The following PCDH9 variants were observed in gnomAD, a reference collection of about 807,000 sequenced individuals.
PCDH9 encodes protocadherin-9.
PCDH9 carries 24 observed loss-of-function variants against 70.6 expected under a neutral mutation model. The ratio of observed to expected loss-of-function variants is 0.34; its 90% CI spans 0.25 to 0.48. The LOEUF (loss-of-function observed/expected upper bound fraction) is 0.48. Among genes scored for constraint, PCDH9 ranks in the 20% least tolerant of loss-of-function variants. The pLI is 0.99. For missense variants in PCDH9, 1,281 were observed against 1,503.6 expected (o/e 0.85, Z 2.45); for synonymous variants, 562 against 558.5 (o/e 1.01, Z -0.09).
At chr13:66,917,577 G>C (rs1473351874) in intron 2 of PCDH9, among the ~76,000 whole-genome samples, 1 of 151,418 alleles carries the variant, frequency 6.6e-6, no homozygotes, top group African/African-American at 2.4e-5. Flanking sequence ...GTTATTCAGT[G>C]ACTCAGTGTA....
At chr13:66,310,754 ATAAG>A (rs1429558713) in intron 4 of PCDH9, among the ~76,000 whole-genome samples, 1 of 152,062 alleles carries the variant, frequency 6.6e-6, no homozygotes, top group Non-Finnish European at 1.5e-5. Flanking sequence ...TGTAAAATAA[ATAAG>A]TCATTTTCAT....
intron 2 of PCDH9, among the ~76,000 whole-genome samples, chr13:67,148,697 A>G (rs983135811): frequency 1.3e-5 from 2 of 152,172 alleles, no homozygotes; most frequent in African/African-American, 4.8e-5. Flanking sequence ...TGTTCTTTAC[A>G]CATGTCATAA....
chr13:67,007,146 G>C (rs2084369325), intron 2 of PCDH9, among the ~76,000 whole-genome samples: 1 of 151,908 alleles, frequency 6.6e-6, no homozygotes. Context: ...GTATGCAACA[G>C]TAGAAAGAGC....
intron 2 of PCDH9, among the ~76,000 whole-genome samples, chr13:67,151,727 G>T (rs187652275): frequency 5.6e-5 from 8 of 143,780 alleles, no homozygotes; most frequent in Admixed American, 1.7e-4. Flanking sequence ...CAAAACTGAG[G>T]CACATAATAA....
At chr13:66,833,488 A>T (rs1213523039) in intron 3 of PCDH9, among the ~76,000 whole-genome samples, 1 of 152,148 alleles carries the variant, frequency 6.6e-6, no homozygotes, top group Non-Finnish European at 1.5e-5. Context: ...TCTGGTACAT[A>T]ACATTCTATG....
chr13:66,306,624 G>C (rs889109420), intron 4 of PCDH9, among the ~76,000 whole-genome samples: 1 of 150,970 alleles, frequency 6.6e-6, no homozygotes, highest in African/African-American at 2.4e-5. Flanking sequence ...AAAGTTTAGC[G>C]ATTTTTTTTA....
At chr13:66,427,655 T>A (rs1055370610) in intron 4 of PCDH9, among the ~76,000 whole-genome samples, 3 of 151,748 alleles carry the variant, frequency 2.0e-5, no homozygotes, top group Non-Finnish European at 4.4e-5. Flanking sequence ...AATATAAAAC[T>A]TTTAGCCTCT....
rs1167658790 is a variant in PCDH9 at position 66,416,074 on chromosome 13, C to T, written c.3341-111046G>A. On this transcript the variant is annotated intron_variant, in intron 4 of 4. Coordinates refer to ENST00000377865, the MANE Select transcript of PCDH9 (RefSeq NM_203487.3). Reference sequence around the variant, plus strand: ...CCTCATTATTAAATCCTAAGTGTTGCTTCAGTGAAGTCCAAACTGTTTTTG... The same window carrying T: ...CCTCATTATTAAATCCTAAGTGTTGTTTCAGTGAAGTCCAAACTGTTTTTG... 2.0e-5 allele frequency among the ~76,000 whole-genome samples: 3 copies of T among 152,208 alleles called. No individual in the cohort carries two copies. The East Asian group carries it at 5.8e-4, about 29-fold the overall frequency.
intron 3 of PCDH9, among the ~76,000 whole-genome samples, chr13:66,767,247 A>G (rs2079732397): frequency 6.6e-6 from 1 of 151,048 alleles, no homozygotes; most frequent in South Asian, 2.1e-4. Context: ...AAAAAGAGCA[A>G]AGGGAAGGTT....
intron 2 of PCDH9, among the ~76,000 whole-genome samples, chr13:67,124,020 T>A (rs1467673698): frequency 6.6e-6 from 1 of 152,170 alleles, no homozygotes; most frequent in Non-Finnish European, 1.5e-5. Flanking sequence ...TGCCTAGCCA[T>A]GACTGAATAT....
At chr13:66,924,663 T>C (rs1364804252) in intron 2 of PCDH9, among the ~76,000 whole-genome samples, 1 of 151,846 alleles carries the variant, frequency 6.6e-6, no homozygotes, top group African/African-American at 2.4e-5. Context: ...AGCATATTAA[T>C]ACTTATATAA....
chr13:66,384,363 G>A (rs911704473), intron 4 of PCDH9, among the ~76,000 whole-genome samples: 4 of 151,954 alleles, frequency 2.6e-5, no homozygotes, highest in African/African-American at 9.7e-5. Context: ...AAAAAGAGAG[G>A]AATATTATGA....
intron 4 of PCDH9, among the ~76,000 whole-genome samples, chr13:66,426,843 A>G (rs1284489011): frequency 6.6e-6 from 1 of 151,586 alleles, no homozygotes; most frequent in African/African-American, 2.4e-5. Context: ...GTCCAAGCAG[A>G]GTTCAACATT....
At position 67,002,491 on chromosome 13, in the gene PCDH9, TTC is replaced by T. The variant is rs528288787; in HGVS notation, c.3037-98888_3037-98887del. Among the ~76,000 whole-genome samples the T allele has an allele frequency of 8.5e-5, 12 of 141,548 alleles. No individual in the cohort carries two copies. In the South Asian group the frequency reaches 2.5e-3, roughly 29 times the overall value. 92.9% of individuals were successfully genotyped at this position (141,548 alleles called of 152,430 possible). A position where few individuals can be genotyped will look rare whatever the true frequency, so the allele number is the denominator to read the frequency against. On this transcript the variant is annotated intron_variant, in intron 2 of 4. Transcript: ENST00000377865. Reference sequence around the variant, plus strand: ...ATTAAGTCTGTCCTAAAAGTCACTATTCTGTTTTAAAATTAATTTTACAATTA... The same window carrying T: ...ATTAAGTCTGTCCTAAAAGTCACTATTGTTTTAAAATTAATTTTACAATTA...
At chr13:67,048,357 T>C (rs996275353) in intron 2 of PCDH9, among the ~76,000 whole-genome samples, 3 of 152,146 alleles carry the variant, frequency 2.0e-5, no homozygotes, top group Non-Finnish European at 4.4e-5. Context: ...AAATTTTATA[T>C]ATGTGCCATA....
intron 2 of PCDH9, among the ~76,000 whole-genome samples, chr13:67,154,595 A>AAAATATATATATATAT (rs1555313195): frequency 1.1e-5 from 1 of 88,990 alleles, no homozygotes; most frequent in African/African-American, 4.5e-5. Flanking sequence ...AAAAAAAAAA[A>AAAATATATATATATAT]ATATATATAT....
At chr13:66,916,465 T>C (rs1457958237) in intron 2 of PCDH9, among the ~76,000 whole-genome samples, 1 of 151,512 alleles carries the variant, frequency 6.6e-6, no homozygotes, top group South Asian at 2.1e-4. Flanking sequence ...CACCTTTTAT[T>C]TAAGTCAAAA....
Position 66,517,542 on chromosome 13 carries a change from C to T in PCDH9, c.3340+113668G>A, listed in dbSNP as rs921528063. Among the ~76,000 whole-genome samples the T allele has an allele frequency of 3.3e-5, 5 of 152,242 alleles. No individual in the cohort carries two copies. In the East Asian group the frequency reaches 9.7e-4, roughly 29 times the overall value. On this transcript the variant is annotated intron_variant, in intron 4 of 4. Coordinates refer to ENST00000377865, the MANE Select transcript of PCDH9 (RefSeq NM_203487.3). Reference sequence around the variant, plus strand: ...CAGGGACAATATCCACTGTGTTCTTCACAGAGCCTCTTAAAAGCTCATGTG... The same window carrying T: ...CAGGGACAATATCCACTGTGTTCTTTACAGAGCCTCTTAAAAGCTCATGTG...
At chr13:66,850,224 A>G (rs2081292877) in intron 3 of PCDH9, among the ~76,000 whole-genome samples, 2 of 152,232 alleles carry the variant, frequency 1.3e-5, no homozygotes, top group South Asian at 4.1e-4. Flanking sequence ...ACTATCAGAA[A>G]GTAAGTTCAA....
Sources: allele counts gnomAD v4.1 joint callset (sites outside exome capture counted in the v4.1 genomes callset), GRCh38; gene constraint gnomAD v4.1.1; transcripts MANE v1.5; gene names NCBI Gene and HGNC (gene_info 2026-07-23, HGNC 2026-07-21).